The following GALNT13 variants were observed in gnomAD, a reference collection of about 807,000 sequenced individuals.
The protein encoded by GALNT13 is polypeptide N-acetylgalactosaminyltransferase 13.
Under a neutral mutation model 64.2 loss-of-function variants are expected in GALNT13, and 28 were observed. The observed-to-expected ratio is 0.44, with a 90% CI of 0.32 to 0.60. The LOEUF is 0.60. Ranked by LOEUF, GALNT13 falls within the 20% of genes least tolerant of loss-of-function variation. The pLI, the probability that GALNT13 is intolerant of heterozygous loss-of-function variation, is 0.05. For missense variants in GALNT13, 577 were observed against 669.8 expected (o/e 0.86, Z 1.53); for synonymous variants, 214 against 224.6 (o/e 0.95, Z 0.42).
the GALNT13 span, among the ~76,000 whole-genome samples, chr2:153,802,079 T>C: frequency 8.5e-5 from 13 of 152,356 alleles, no homozygotes; most frequent in African/African-American, 1.2e-4. Context: ...TGAGGACTTT[T>C]GTGGCATGTC....
intron 3 of GALNT13, among the ~76,000 whole-genome samples, chr2:153,956,381 C>A (rs547087244): frequency 6.6e-6 from 1 of 152,238 alleles, no homozygotes; most frequent in East Asian, 1.9e-4. Flanking sequence ...GATATAGAGA[C>A]CATTTTCTAA....
At chr2:154,390,819 G>T (rs1210632152) in intron 9 of GALNT13, among the ~76,000 whole-genome samples, 2 of 152,100 alleles carry the variant, frequency 1.3e-5, no homozygotes, top group African/African-American at 4.8e-5. Context: ...AAGTTCCATT[G>T]AAAGACTTGC....
chr2:153,818,516 C>T, the GALNT13 span, among the ~76,000 whole-genome samples: 12 of 152,322 alleles, frequency 7.9e-5, no homozygotes, highest in East Asian at 3.9e-4. Context: ...ACCCCTGCCC[C>T]AGCTGCACCT....
chr2:153,265,889 G>C, the GALNT13 span, among the ~76,000 whole-genome samples: 1 of 152,174 alleles, frequency 6.6e-6, no homozygotes, highest in Non-Finnish European at 1.5e-5. Flanking sequence ...AGCAATATTT[G>C]AGAGGAGTGA....
intron 12 of GALNT13, chr2:154,441,896 C>T (rs2105480859): frequency 6.6e-6 from 1 of 152,180 alleles, no homozygotes; most frequent in South Asian, 2.1e-4. Flanking sequence ...TCTTATAAGA[C>T]AGTTATTCTA....
intron 11 of GALNT13, among the ~76,000 whole-genome samples, chr2:154,417,519 TTA>T (rs1303468011): frequency 2.0e-5 from 3 of 147,830 alleles, no homozygotes; most frequent in Admixed American, 1.4e-4. Flanking sequence ...ATTTATTTAT[TTA>T]TTTTTTTGAG....
intron 4 of GALNT13, among the ~76,000 whole-genome samples, chr2:154,184,337 C>G (rs1316792376): frequency 2.0e-5 from 3 of 151,960 alleles, no homozygotes; most frequent in Non-Finnish European, 4.4e-5. Context: ...TGTTTTTAAT[C>G]CATTCAGTGA....
intron 3 of GALNT13, among the ~76,000 whole-genome samples, chr2:154,094,603 ATCC>A (rs1158828839): frequency 1.3e-5 from 2 of 152,088 alleles, no homozygotes; most frequent in African/African-American, 2.4e-5. Flanking sequence ...TAATTAATCA[ATCC>A]TCCTCTTTTT....
At chr2:153,817,277 T>C in the GALNT13 span, among the ~76,000 whole-genome samples, 4 of 152,216 alleles carry the variant, frequency 2.6e-5, no homozygotes, top group African/African-American at 9.6e-5. Flanking sequence ...AAAGACTCTT[T>C]GCTTGGCCAA....
chr2:153,873,111 A>G (rs912406362), intron 1 of GALNT13, among the ~76,000 whole-genome samples: 1 of 152,040 alleles, frequency 6.6e-6, no homozygotes, highest in East Asian at 1.9e-4. Flanking sequence ...CGTCTTCCCG[A>G]ACACCAGCCC....
At chr2:153,421,523 G>A in the GALNT13 span, 1 of 229,006 alleles carries the variant, frequency 4.4e-6, no homozygotes, top group Non-Finnish European at 1.0e-5. Context: ...AATCAACAGA[G>A]AAGTGAACCC....
chr2:153,367,593 G>A, the GALNT13 span, among the ~76,000 whole-genome samples: 24 of 152,206 alleles, frequency 1.6e-4, no homozygotes, highest in South Asian at 4.6e-3. Flanking sequence ...AAAAAGGCCA[G>A]GAAAGATTTT....
chr2:154,287,077 C>A, intron 8 of GALNT13: 1 of 807,414 alleles, frequency 1.2e-6, no homozygotes, highest in South Asian at 1.4e-5. Flanking sequence ...GGCTCATCCA[C>A]CCACCTTTGG....
the GALNT13 span, among the ~76,000 whole-genome samples, chr2:153,299,055 A>C: frequency 1.5e-4 from 23 of 152,250 alleles, no homozygotes; most frequent in South Asian, 4.2e-4. Flanking sequence ...TGTATTCCCC[A>C]CTCCATACCA....
intron 8 of GALNT13, among the ~76,000 whole-genome samples, chr2:154,261,794 T>C (rs554503488): frequency 7.2e-5 from 11 of 152,126 alleles, no homozygotes; most frequent in African/African-American, 2.6e-4. Context: ...GTCTCTGTCA[T>C]GTGAGTATAG....
the GALNT13 span, among the ~76,000 whole-genome samples, chr2:153,163,827 G>A: frequency 6.6e-6 from 1 of 152,034 alleles, no homozygotes; most frequent in Admixed American, 6.5e-5. Flanking sequence ...AGACCATCCT[G>A]GCTAACACGG....
chr2:153,439,921 G>C, the GALNT13 span, among the ~76,000 whole-genome samples: 3 of 152,164 alleles, frequency 2.0e-5, no homozygotes, highest in African/African-American at 7.2e-5. Context: ...CACGCTGGGA[G>C]CTGCAGACTG....
chr2:154,014,559 A>G (rs1188839337), intron 3 of GALNT13, among the ~76,000 whole-genome samples: 2 of 127,228 alleles, frequency 1.6e-5, no homozygotes, highest in Non-Finnish European at 3.3e-5. Context: ...CAGGTCAGCC[A>G]TCTTGGCTCT....
the GALNT13 span, among the ~76,000 whole-genome samples, chr2:153,226,109 G>A: frequency 6.6e-6 from 1 of 151,946 alleles, no homozygotes; most frequent in Non-Finnish European, 1.5e-5. Flanking sequence ...GCTAATTTTT[G>A]TAATAGTAGA....
Sources: gnomAD v4.1 joint callset for allele counts (sites outside exome capture counted in the v4.1 genomes callset) on GRCh38, gnomAD v4.1.1 for gene constraint, MANE v1.5 for transcripts, NCBI Gene and HGNC (gene_info 2026-07-23, HGNC 2026-07-21) for gene names.